Variants in CPNE8 observed in about 807,000 individuals in gnomAD.
CPNE8 encodes copine 8.
CPNE8 carries 45 observed loss-of-function variants against 81.5 expected under a neutral mutation model. The observed-to-expected ratio is 0.55, with a 90% CI of 0.44 to 0.71. The LOEUF is 0.71. Among genes scored for constraint, CPNE8 ranks in the 30% least tolerant of loss-of-function variants. The probability of loss-of-function intolerance (pLI) is 0.00; values close to 1 mark genes in which losing one functional copy is unlikely to be tolerated. For missense variants in CPNE8, 594 were observed against 672.1 expected (o/e 0.88, Z 1.28); for synonymous variants, 252 against 226.3 (o/e 1.11, Z -1.02).
In CPNE8 at chr12:38,883,568, A is replaced by G. The variant is rs190512038; in HGVS notation, c.99-9057T>C. Among the ~76,000 whole-genome samples, 6 of 152,312 alleles carry G rather than the reference A, an allele frequency of 3.9e-5. No homozygotes were observed. The East Asian group carries it at 9.6e-4, about 24-fold the overall frequency. On this transcript the variant is annotated intron_variant, in intron 1 of 19. Transcript: ENST00000331366. Reference sequence around the variant, plus strand: ...ATAATAGTCAATAATTCTCCTGGGTATCAACTGTTCATCATTCTATCCAAC... The same window carrying G: ...ATAATAGTCAATAATTCTCCTGGGTGTCAACTGTTCATCATTCTATCCAAC...
intron 10 of CPNE8, among the ~76,000 whole-genome samples, chr12:38,746,320 T>C (rs1273993439): frequency 2.6e-5 from 4 of 152,180 alleles, no homozygotes; most frequent in South Asian, 2.1e-4. Context: ...AGGATTACCA[T>C]GAATGGGGGA....
At chr12:38,749,283 C>A (rs530501583) in intron 10 of CPNE8, among the ~76,000 whole-genome samples, 19 of 152,312 alleles carry the variant, frequency 1.2e-4, no homozygotes, top group African/African-American at 4.3e-4. Flanking sequence ...CCACGTGGAA[C>A]TGTAAGTCCA....
rs138598029 is a variant in CPNE8, at chr12:38,670,795, G to A, written c.1440C>T (p.Val480=). The A allele has an allele frequency of 3.1e-5, 49 of 1,604,752 alleles. No individual in the cohort carries two copies. In the African/African-American group the frequency reaches 5.2e-4, roughly 17 times the overall value. Reference sequence around the variant, plus strand: ...CTCTTACATCATCTCCATCCAATTCGACCATTGCTTTAAGAGAAAATATGA... The same window carrying A: ...CTCTTACATCATCTCCATCCAATTCAACCATTGCTTTAAGAGAAAATATGA... The part of the protein sequence containing the change: ...GVGPAEFDAM[V]ELDGDDVRVS... The change falls in exon 19 of 20, where the codon GTC becomes GTT. Residue 480 remains valine, a synonymous_variant. Coordinates refer to ENST00000331366, the MANE Select transcript of CPNE8 (RefSeq NM_153634.3).
chr12:38,738,808 TTTTTTTTTTTC>T (rs1941013422), intron 10 of CPNE8, among the ~76,000 whole-genome samples: 1 of 19,370 alleles, frequency 5.2e-5, no homozygotes, highest in Non-Finnish European at 5.4e-4. Flanking sequence ...TTTCTTTTCT[TTTTTTTTTTTC>T]TTTTTTTTTT....
At chr12:38,661,849 A>G (rs1028055862) in intron 19 of CPNE8, among the ~76,000 whole-genome samples, 3 of 151,886 alleles carry the variant, frequency 2.0e-5, no homozygotes, top group African/African-American at 7.2e-5. Context: ...GGATGGTTCA[A>G]TGTGTGCAAA....
chr12:38,687,862 C>T (rs1018638073), intron 15 of CPNE8, among the ~76,000 whole-genome samples: 2 of 152,062 alleles, frequency 1.3e-5, no homozygotes, highest in Admixed American at 6.6e-5. Flanking sequence ...AAAATAAAAG[C>T]CTGCTTTACA....
At chr12:38,801,716 T>A (rs1297171353) in intron 6 of CPNE8, among the ~76,000 whole-genome samples, 1 of 56,322 alleles carries the variant, frequency 1.8e-5, no homozygotes, top group African/African-American at 7.1e-5. Flanking sequence ...GACTGGCAAG[T>A]TGGATAAAGA....
intron 6 of CPNE8, among the ~76,000 whole-genome samples, chr12:38,784,516 T>C (rs981665356): frequency 6.6e-6 from 1 of 151,926 alleles, no homozygotes; most frequent in Non-Finnish European, 1.5e-5. Context: ...TACCCAAGGA[T>C]AAAAAAGTTA....
Position 38,682,284 on chromosome 12 carries a change from G to A in CPNE8, c.1271+3206C>T, listed in dbSNP as rs562970385. On this transcript the variant is annotated intron_variant, in intron 16 of 19. Coordinates refer to ENST00000331366, the MANE Select transcript of CPNE8 (RefSeq NM_153634.3). Reference sequence around the variant, plus strand: ...TTAATTAAAATGAACTCAGCCAGGCGTGGTGGCTTACGCCTATAATCCCAG... The same window carrying A: ...TTAATTAAAATGAACTCAGCCAGGCATGGTGGCTTACGCCTATAATCCCAG... Among the ~76,000 whole-genome samples the A allele has an allele frequency of 1.8e-4, 27 of 151,710 alleles. 1 individual carries two copies. The highest frequency in any genetic ancestry group is 6.0e-4 in the African/African-American group (25 of 41,346).
chr12:38,853,007 A>G (rs546083194), intron 3 of CPNE8, among the ~76,000 whole-genome samples: 2 of 152,330 alleles, frequency 1.3e-5, no homozygotes, highest in African/African-American at 2.4e-5. Flanking sequence ...ACTTTCAGGC[A>G]GTTTTCCTGT....
At chr12:38,887,124 C>A (rs1944248038) in intron 1 of CPNE8, among the ~76,000 whole-genome samples, 1 of 152,130 alleles carries the variant, frequency 6.6e-6, no homozygotes. Flanking sequence ...AGGTCTCATG[C>A]CAGGCCTTGT....
chr12:38,794,180 A>G (rs942760693), intron 6 of CPNE8, among the ~76,000 whole-genome samples: 1 of 152,180 alleles, frequency 6.6e-6, no homozygotes, highest in African/African-American at 2.4e-5. Flanking sequence ...AGGCAACGAA[A>G]AGCAAAAATA....
intron 8 of CPNE8, among the ~76,000 whole-genome samples, chr12:38,763,189 A>G (rs893573943): frequency 6.6e-6 from 1 of 152,148 alleles, no homozygotes; most frequent in African/African-American, 2.4e-5. Flanking sequence ...GTGAGAGTAG[A>G]TGGGATCCTG....
At chr12:38,748,812 T>C (rs1941294326) in intron 10 of CPNE8, among the ~76,000 whole-genome samples, 1 of 152,138 alleles carries the variant, frequency 6.6e-6, no homozygotes, top group African/African-American at 2.4e-5. Flanking sequence ...TTTGTACCCA[T>C]TTATAATACC....
chr12:38,690,487 G>A (rs185822117), intron 15 of CPNE8, among the ~76,000 whole-genome samples: 182 of 152,178 alleles, frequency 1.2e-3, no homozygotes, highest in Middle Eastern at 3.4e-3. Context: ...TGTTTTCATC[G>A]TCAATTTGAG....
chr12:38,717,144 G>A (rs1236258680), intron 13 of CPNE8, among the ~76,000 whole-genome samples: 1 of 151,846 alleles, frequency 6.6e-6, no homozygotes, highest in Non-Finnish European at 1.5e-5. Flanking sequence ...AACAATAGAT[G>A]TTAGCATGGA....
At chr12:38,696,783 G>T (rs1018117222) in intron 14 of CPNE8, among the ~76,000 whole-genome samples, 4 of 152,186 alleles carry the variant, frequency 2.6e-5, no homozygotes, top group African/African-American at 9.6e-5. Flanking sequence ...GGTGGCTCAT[G>T]CCTGTAATCC....
intron 1 of CPNE8, among the ~76,000 whole-genome samples, chr12:38,896,637 G>A (rs997492783): frequency 1.3e-5 from 2 of 152,036 alleles, no homozygotes; most frequent in Non-Finnish European, 2.9e-5. Context: ...CCTCCTACCT[G>A]TCAAATCCCA....
intron 4 of CPNE8, among the ~76,000 whole-genome samples, chr12:38,841,377 AT>A (rs1592131972): frequency 6.6e-6 from 1 of 152,220 alleles, no homozygotes; most frequent in Non-Finnish European, 1.5e-5. Flanking sequence ...GATAACTGGT[AT>A]TAAAAAAGGG....
Sources: gnomAD v4.1 joint callset for allele counts (sites outside exome capture counted in the v4.1 genomes callset) on GRCh38, gnomAD v4.1.1 for gene constraint, MANE v1.5 for transcripts, NCBI Gene and HGNC (gene_info 2026-07-23, HGNC 2026-07-21) for gene names.